The following GPR158 variants were observed in gnomAD, a reference collection of about 807,000 sequenced individuals.
GPR158 encodes the protein metabotropic glycine receptor.
GPR158 carries 30 observed loss-of-function variants against 78.2 expected under a neutral mutation model. The observed-to-expected ratio is 0.38, with a 90% CI of 0.29 to 0.52. The LOEUF (loss-of-function observed/expected upper bound fraction) is 0.52. GPR158 is among the 20% of genes least tolerant of loss of function. The pLI is 0.83. For synonymous variants in GPR158, 581 were observed against 591.1 expected (o/e 0.98, Z 0.25); for missense variants, 1,463 against 1,523.5 (o/e 0.96, Z 0.66).
chr10:25,357,130 T>C (rs565423861), intron 2 of GPR158, among the ~76,000 whole-genome samples: 1 of 152,194 alleles, frequency 6.6e-6, no homozygotes, highest in East Asian at 1.9e-4. Context: ...ACTTTGAACC[T>C]GAGAGAGATG....
At chr10:25,333,583 C>A (rs1855157736) in intron 2 of GPR158, among the ~76,000 whole-genome samples, 1 of 151,982 alleles carries the variant, frequency 6.6e-6, no homozygotes, top group South Asian at 2.1e-4. Flanking sequence ...CCCACTGTAA[C>A]TAAGTAGCTG....
At chr10:25,434,061 A>T (rs1834962271) in intron 4 of GPR158, among the ~76,000 whole-genome samples, 1 of 152,102 alleles carries the variant, frequency 6.6e-6, no homozygotes, top group Non-Finnish European at 1.5e-5. Flanking sequence ...CAGGAGACTG[A>T]GGCAGGAGAA....
intron 6 of GPR158, among the ~76,000 whole-genome samples, chr10:25,562,350 A>C (rs1452639622): frequency 6.6e-6 from 1 of 151,874 alleles, no homozygotes; most frequent in Non-Finnish European, 1.5e-5. Flanking sequence ...TTTTGGATTA[A>C]ATTTTCTCTT....
intron 1 of GPR158, among the ~76,000 whole-genome samples, chr10:25,192,935 TG>T (rs1852793406): frequency 6.6e-6 from 1 of 152,228 alleles, no homozygotes; most frequent in African/African-American, 2.4e-5. Flanking sequence ...TGCCCAACTG[TG>T]GGCTAATGTA....
rs1837473759 is a variant in GPR158 at position 25,600,105 on chromosome 10, ACAAGTTGAGTTACTT to A, written c.*832_*846del. On this transcript the variant is annotated 3_prime_UTR_variant, in exon 11 of 11. Transcript: ENST00000376351. ...TACTGTCTTAATCAGGGTTTTTTAT[ACAAGTTGAGTTACTT>A]GTTTTGCACTTCTTGTTAGGACTCA... is the stretch of plus-strand genomic sequence containing the variant. The A allele has an allele frequency of 6.6e-6, 1 of 152,638 alleles. No homozygotes were observed. The highest frequency in any genetic ancestry group is 1.5e-5 in the Non-Finnish European group (1 of 68,034). The allele number at this position is 152,638 out of a possible 1,614,324, so 9.5% of individuals were successfully genotyped here. A position where few individuals can be genotyped will look rare whatever the true frequency, so the allele number is the denominator to read the frequency against.
At chr10:25,347,473 T>A (rs1855386713) in intron 2 of GPR158, among the ~76,000 whole-genome samples, 1 of 152,034 alleles carries the variant, frequency 6.6e-6, no homozygotes, top group South Asian at 2.1e-4. Flanking sequence ...CAGATTAGGA[T>A]GTGGCCATCT....
intron 2 of GPR158, among the ~76,000 whole-genome samples, chr10:25,389,907 C>T (rs1281632826): frequency 3.9e-5 from 6 of 152,138 alleles, no homozygotes; most frequent in African/African-American, 1.2e-4. Context: ...CCCATAATCC[C>T]CATGTGTTGT....
intron 2 of GPR158, among the ~76,000 whole-genome samples, chr10:25,296,924 T>A (rs1383483610): frequency 6.6e-6 from 1 of 152,140 alleles, no homozygotes; most frequent in African/African-American, 2.4e-5. Context: ...TCATAAAGCA[T>A]TTTCTAGGTA....
In GPR158 at chr10:25,331,712, T is replaced by TC. The variant is rs1184883311; in HGVS notation, c.1009-64197dup. Among the ~76,000 whole-genome samples the TC allele has an allele frequency of 2.0e-5, 3 of 152,318 alleles. No individual in the cohort carries two copies. In the East Asian group the frequency reaches 5.8e-4, roughly 29 times the overall value. ...GCCTCTCTCACCCCAGTCACTGCAC[T>TC]CCAAGGTTAGAGGCTTGAGTCCCGC... On this transcript the variant is annotated intron_variant, in intron 2 of 10. Coordinates refer to ENST00000376351, the MANE Select transcript of GPR158 (RefSeq NM_020752.3).
chr10:25,490,358 T>C (rs1835789908), intron 5 of GPR158, among the ~76,000 whole-genome samples: 2 of 148,858 alleles, frequency 1.3e-5, no homozygotes, highest in Non-Finnish European at 3.0e-5. Flanking sequence ...TAGTTACATA[T>C]GTATACATGT....
chr10:25,351,157 C>A (rs749194425), intron 2 of GPR158, among the ~76,000 whole-genome samples: 2 of 151,942 alleles, frequency 1.3e-5, no homozygotes, highest in African/African-American at 4.8e-5. Flanking sequence ...TATAAACTCT[C>A]AACCTTTCCT....
At chr10:25,558,821 A>T (rs1292030997) in intron 6 of GPR158, among the ~76,000 whole-genome samples, 1 of 152,040 alleles carries the variant, frequency 6.6e-6, no homozygotes, top group Admixed American at 6.5e-5. Context: ...TTTGTTATTG[A>T]TTTACAATTT....
chr10:25,481,524 A>G (rs986312120), intron 5 of GPR158, among the ~76,000 whole-genome samples: 10 of 152,200 alleles, frequency 6.6e-5, no homozygotes, highest in African/African-American at 2.4e-4. Flanking sequence ...TTAAACCTAT[A>G]TTCAAAATGC....
At chr10:25,563,296 G>C (rs1041840402) in intron 6 of GPR158, among the ~76,000 whole-genome samples, 2 of 140,830 alleles carry the variant, frequency 1.4e-5, no homozygotes, top group African/African-American at 2.7e-5. Flanking sequence ...TATTTACATA[G>C]AATATCATTT....
chr10:25,388,421 G>A (rs1166089826), intron 2 of GPR158, among the ~76,000 whole-genome samples: 2 of 152,328 alleles, frequency 1.3e-5, no homozygotes, highest in African/African-American at 4.8e-5. Context: ...CTCTGCTGTG[G>A]CCTTAACCTT....
At chr10:25,206,266 C>A (rs959303272) in intron 1 of GPR158, among the ~76,000 whole-genome samples, 2 of 152,078 alleles carry the variant, frequency 1.3e-5, no homozygotes, top group East Asian at 3.9e-4. Flanking sequence ...GGATTACAGG[C>A]GTGAGCCACC....
chr10:25,322,071 A>G (rs1286615722), intron 2 of GPR158, among the ~76,000 whole-genome samples: 3 of 152,150 alleles, frequency 2.0e-5, no homozygotes, highest in Admixed American at 1.3e-4. Context: ...GTTATATATT[A>G]CTGGAGATTT....
intron 5 of GPR158, among the ~76,000 whole-genome samples, chr10:25,537,502 C>G (rs1564483161): frequency 6.6e-6 from 1 of 151,812 alleles, no homozygotes; most frequent in Non-Finnish European, 1.5e-5. Flanking sequence ...AATACTAAAA[C>G]CAGAGAATCT....
chr10:25,595,077 TTCC>T (rs983739960), intron 9 of GPR158, among the ~76,000 whole-genome samples: 9 of 152,212 alleles, frequency 5.9e-5, no homozygotes, highest in African/African-American at 2.2e-4. Context: ...TGTTATTATT[TTCC>T]TCTTTTATAC....
Sources: allele counts gnomAD v4.1 joint callset (sites outside exome capture counted in the v4.1 genomes callset), GRCh38; gene constraint gnomAD v4.1.1; transcripts MANE v1.5; gene names NCBI Gene and HGNC (gene_info 2026-07-23, HGNC 2026-07-21).